Variants in HCN1 observed in about 807,000 individuals in gnomAD.
The protein encoded by HCN1 is hyperpolarization activated cyclic nucleotide gated potassium channel 1.
HCN1 carries 13 observed loss-of-function variants against 78.9 expected under a neutral mutation model. The ratio of observed to expected loss-of-function variants is 0.16; its 90% CI spans 0.11 to 0.26. The LOEUF is 0.26. HCN1 is among the 10% of genes least tolerant of loss of function. The probability of loss-of-function intolerance (pLI) is 1.00; values close to 1 mark genes in which losing one functional copy is unlikely to be tolerated. For missense variants in HCN1, 810 were observed against 1,154.3 expected (o/e 0.70, Z 4.32); for synonymous variants, 552 against 455.5 (o/e 1.21, Z -2.70).
In HCN1 at chr5:45,328,667, G is replaced by C. The variant is rs571309604; in HGVS notation, c.1377+24433C>G. Among the ~76,000 whole-genome samples the C allele has an allele frequency of 5.3e-5, 8 of 151,682 alleles. No homozygotes were observed. In the East Asian group the frequency reaches 1.6e-3, roughly 30 times the overall value. ...AGATTTCATCCCACTATTTAGAATG[G>C]TGCACAATTTCAAACTTATGAGTTG... On this transcript the variant is annotated intron_variant, in intron 5 of 7. Transcript: ENST00000303230.
intron 3 of HCN1, among the ~76,000 whole-genome samples, chr5:45,451,345 A>G (rs1163334746): frequency 6.6e-6 from 1 of 152,124 alleles, no homozygotes; most frequent in African/African-American, 2.4e-5. Context: ...GAGAAATAAT[A>G]ACACTGATGA....
rs1054068333 is a variant in HCN1, at chr5:45,261,478, G to A, written c.*443C>T. Reference sequence around the variant, plus strand: ...ACCATTAATGATTAACAATTTAGATGCAGAGACACAGCTAATGAAAGAAAG... The same window carrying A: ...ACCATTAATGATTAACAATTTAGATACAGAGACACAGCTAATGAAAGAAAG... On this transcript the variant is annotated 3_prime_UTR_variant, in exon 8 of 8. Coordinates refer to ENST00000303230, the MANE Select transcript of HCN1 (RefSeq NM_021072.4). 1 of 154,622 alleles carries A rather than the reference G, an allele frequency of 6.5e-6. No homozygotes were observed. The highest frequency in any genetic ancestry group is 2.4e-5 in the African/African-American group (1 of 41,450). 9.6% of individuals were successfully genotyped at this position (154,622 alleles called of 1,614,324 possible).
At chr5:45,473,609 T>C (rs1741452915) in intron 2 of HCN1, among the ~76,000 whole-genome samples, 1 of 151,540 alleles carries the variant, frequency 6.6e-6, no homozygotes, top group East Asian at 1.9e-4. Flanking sequence ...ATCAGTGACA[T>C]TGCTTCATTA....
chr5:45,328,256 C>T, intron 5 of HCN1, among the ~76,000 whole-genome samples: 3 of 150,408 alleles, frequency 2.0e-5, no homozygotes, highest in Middle Eastern at 6.8e-3. Context: ...GCAAAACTAG[C>T]ATTTTTTTTT....
chr5:45,571,185 T>C (rs1203840041), intron 2 of HCN1, among the ~76,000 whole-genome samples: 1 of 152,140 alleles, frequency 6.6e-6, no homozygotes, highest in Non-Finnish European at 1.5e-5. Flanking sequence ...CCTAATGACA[T>C]ACAGATGATG....
rs115360372 is a variant in HCN1 at position 45,449,087 on chromosome 5, G to A, written c.1011+12759C>T. On this transcript the variant is annotated intron_variant, in intron 3 of 7. Coordinates refer to ENST00000303230, the MANE Select transcript of HCN1 (RefSeq NM_021072.4). ...CACACCACTGCACTCCAGCCTGGGC[G>A]ATGGAGTGACCTGTCTGAAATAAAA... Among the ~76,000 whole-genome samples the A allele has an allele frequency of 2.8e-3, 419 of 152,306 alleles. 3 individuals are homozygous for A. The highest frequency in any genetic ancestry group is 9.3e-3 in the African/African-American group (388 of 41,578).
chr5:45,301,917 C>T (rs1579792250), intron 6 of HCN1, among the ~76,000 whole-genome samples: 1 of 151,714 alleles, frequency 6.6e-6, no homozygotes, highest in East Asian at 1.9e-4. Flanking sequence ...AAAATAGTTG[C>T]ATCATATAAA....
chr5:45,316,927 A>G (rs1579805598), intron 5 of HCN1, among the ~76,000 whole-genome samples: 1 of 152,320 alleles, frequency 6.6e-6, no homozygotes, highest in South Asian at 2.1e-4. Flanking sequence ...ATACAAACAA[A>G]TGGAAGAACA....
At chr5:45,304,199 C>T (rs552814127) in intron 5 of HCN1, among the ~76,000 whole-genome samples, 7 of 151,852 alleles carry the variant, frequency 4.6e-5, no homozygotes, top group South Asian at 4.1e-4. Context: ...CTTTTATTTA[C>T]GAAGAAAGAA....
chr5:45,690,749 T>C (rs1256902953), intron 1 of HCN1, among the ~76,000 whole-genome samples: 1 of 152,096 alleles, frequency 6.6e-6, no homozygotes, highest in Non-Finnish European at 1.5e-5. Context: ...GCCTAATTCA[T>C]AGTTTGTTAC....
chr5:45,343,341 G>A lies in HCN1; in HGVS notation c.1377+9759C>T, dbSNP rs80224601. Among the ~76,000 whole-genome samples, 1,140 of 152,292 alleles carry A rather than the reference G, an allele frequency of 7.5e-3. 14 individuals are homozygous for A. Among genetic ancestry groups the A allele is most frequent in the African/African-American group, 0.01 (426 of 41,562 alleles). On this transcript the variant is annotated intron_variant, in intron 5 of 7. Coordinates refer to ENST00000303230, the MANE Select transcript of HCN1 (RefSeq NM_021072.4). The stretch of plus-strand genomic sequence containing the variant: ...ATGTAAATAAAAGATTAATTTGACC[G>A]TGGTATTTTAAATGGTAGTCAGAGA...
intron 5 of HCN1, among the ~76,000 whole-genome samples, chr5:45,325,446 T>C (rs902751069): frequency 1.5e-4 from 22 of 151,696 alleles, no homozygotes; most frequent in Admixed American, 5.3e-4. Context: ...AAAATAAATG[T>C]GGGTTTTGAT....
At chr5:45,585,058 G>C (rs1744181523) in intron 2 of HCN1, among the ~76,000 whole-genome samples, 1 of 152,142 alleles carries the variant, frequency 6.6e-6, no homozygotes, top group Non-Finnish European at 1.5e-5. Flanking sequence ...TGTGTTTCCT[G>C]AATTTGAATG....
At chr5:45,311,262 T>A (rs1561099775) in intron 5 of HCN1, among the ~76,000 whole-genome samples, 1 of 152,156 alleles carries the variant, frequency 6.6e-6, no homozygotes, top group Non-Finnish European at 1.5e-5. Context: ...AAAATGTTGT[T>A]CCAAAGAAAT....
intron 2 of HCN1, among the ~76,000 whole-genome samples, chr5:45,580,799 T>C (rs955315596): frequency 6.6e-6 from 1 of 152,132 alleles, no homozygotes; most frequent in African/African-American, 2.4e-5. Context: ...TTTGGTTTTT[T>C]GTCCTCGCGA....
chr5:45,319,523 G>T (rs539978875), intron 5 of HCN1, among the ~76,000 whole-genome samples: 36 of 151,796 alleles, frequency 2.4e-4, no homozygotes, highest in Non-Finnish European at 4.6e-4. Flanking sequence ...TTTGTGAGGT[G>T]CCCAGTAAAG....
At chr5:45,620,038 T>C (rs1031162179) in intron 2 of HCN1, among the ~76,000 whole-genome samples, 22 of 152,074 alleles carry the variant, frequency 1.4e-4, no homozygotes, top group African/African-American at 5.3e-4. Context: ...TTAGATACAA[T>C]GAGAAGAGCA....
At chr5:45,340,873 G>A (rs1195034192) in intron 5 of HCN1, among the ~76,000 whole-genome samples, 3 of 152,084 alleles carry the variant, frequency 2.0e-5, no homozygotes, top group South Asian at 2.1e-4. Flanking sequence ...ATTGAAGCAG[G>A]AGCAAACATC....
At chr5:45,632,061 T>G (rs570729547) in intron 2 of HCN1, among the ~76,000 whole-genome samples, 4 of 152,244 alleles carry the variant, frequency 2.6e-5, no homozygotes, top group African/African-American at 9.6e-5. Context: ...TGCTTTTATT[T>G]TTTATACAAA....
Sources: allele counts gnomAD v4.1 joint callset (sites outside exome capture counted in the v4.1 genomes callset), GRCh38; gene constraint gnomAD v4.1.1; transcripts MANE v1.5; gene names NCBI Gene and HGNC (gene_info 2026-07-23, HGNC 2026-07-21).